Variants in DGKI observed in about 807,000 individuals in gnomAD.
DGKI encodes diacylglycerol kinase iota, also known as DAG kinase iota.
A neutral mutation model predicts 147.5 loss-of-function variants in DGKI; 55 were observed. The ratio of observed to expected loss-of-function variants is 0.37; its 90% CI spans 0.30 to 0.47. DGKI has a LOEUF of 0.47. DGKI is among the 20% of genes least tolerant of loss of function. The pLI, the probability that DGKI is intolerant of heterozygous loss-of-function variation, is 1.00. For synonymous variants in DGKI, 469 were observed against 477.1 expected, an observed-to-expected ratio of 0.98 and a Z score of 0.22; for missense variants, 1,007 against 1,323.8, an observed-to-expected ratio of 0.76 and a Z score of 3.71.
chr7:137,570,848 C>CA (rs1818769048), intron 19 of DGKI, among the ~76,000 whole-genome samples: 1 of 152,158 alleles, frequency 6.6e-6, no homozygotes, highest in East Asian at 1.9e-4. Context: ...CTCGGCCTCC[C>CA]AAAGTGCTGG....
intron 6 of DGKI, among the ~76,000 whole-genome samples, chr7:137,638,094 C>T (rs1821377341): frequency 1.3e-5 from 2 of 152,048 alleles, no homozygotes; most frequent in South Asian, 4.1e-4. Context: ...CTTCCCTTAC[C>T]CCTTTCCAAG....
intron 20 of DGKI, among the ~76,000 whole-genome samples, chr7:137,542,457 G>A (rs1817734783): frequency 6.6e-6 from 1 of 152,148 alleles, no homozygotes; most frequent in Admixed American, 6.5e-5. Flanking sequence ...AATGATACAT[G>A]CAGCAACTTG....
At chr7:137,479,818 A>G (rs911015505) in intron 23 of DGKI, among the ~76,000 whole-genome samples, 9 of 152,118 alleles carry the variant, frequency 5.9e-5, no homozygotes, top group African/African-American at 2.2e-4. Flanking sequence ...GTCTGCCCCA[A>G]CATCTCCCAC....
intron 20 of DGKI, among the ~76,000 whole-genome samples, chr7:137,551,477 G>A (rs1040703924): frequency 2.6e-5 from 4 of 152,160 alleles, no homozygotes; most frequent in Non-Finnish European, 5.9e-5. Flanking sequence ...GGCCACAAAC[G>A]GGAGGAGCAC....
At chr7:137,795,018 CAAA>C (rs1796979994) in intron 1 of DGKI, among the ~76,000 whole-genome samples, 1 of 152,066 alleles carries the variant, frequency 6.6e-6, no homozygotes, top group East Asian at 1.9e-4. Context: ...ATTTGTGTCT[CAAA>C]AGAAGTCAGT....
At chr7:137,500,031 G>T (rs1004475925) in intron 21 of DGKI, among the ~76,000 whole-genome samples, 1 of 152,126 alleles carries the variant, frequency 6.6e-6, no homozygotes, top group Non-Finnish European at 1.5e-5. Context: ...TGTTATTTAA[G>T]CCATCCAATG....
At chr7:137,628,041 CT>C (rs560774334) in intron 6 of DGKI, among the ~76,000 whole-genome samples, 112 of 152,252 alleles carry the variant, frequency 7.4e-4, no homozygotes, top group African/African-American at 2.6e-3. Flanking sequence ...CTAAGGAGTG[CT>C]TTTATTGCCA....
chr7:137,460,933 G>A (rs1425516710), intron 27 of DGKI, among the ~76,000 whole-genome samples: 2 of 151,948 alleles, frequency 1.3e-5, no homozygotes, highest in Non-Finnish European at 2.9e-5. Context: ...TATATATTTA[G>A]CAATTTTAAA....
At chr7:137,548,994 T>C (rs564484646) in intron 20 of DGKI, among the ~76,000 whole-genome samples, 260 of 152,128 alleles carry the variant, frequency 1.7e-3, no homozygotes, top group Non-Finnish European at 2.8e-3. Context: ...ATAAATAAAT[T>C]ATCCAGCCTC....
At chr7:137,416,939 T>C (rs1343465053) in intron 28 of DGKI, among the ~76,000 whole-genome samples, 1 of 152,228 alleles carries the variant, frequency 6.6e-6, no homozygotes, top group South Asian at 2.1e-4. Flanking sequence ...GTAGCTATTA[T>C]GCAAACATTA....
At chr7:137,512,301 G>T (rs1485233909) in intron 21 of DGKI, among the ~76,000 whole-genome samples, 1 of 152,162 alleles carries the variant, frequency 6.6e-6, no homozygotes, top group Non-Finnish European at 1.5e-5. Flanking sequence ...GTATACAACA[G>T]CCCTCTGTAA....
Position 137,489,451 on chromosome 7 carries a change from A to T in DGKI, c.2249-1762T>A, listed in dbSNP as rs550543889. Among the ~76,000 whole-genome samples the T allele has an allele frequency of 6.6e-5, 10 of 152,326 alleles. No individual in the cohort carries two copies. In the South Asian group the frequency reaches 2.1e-3, roughly 32 times the overall value. ...CTCCTTTTAAAAGATAAACAGAAAC[A>T]TCAAAAAGTTTTCAGCATGGCAATC... On this transcript the variant is annotated intron_variant, in intron 21 of 32. Transcript: ENST00000614521.
In DGKI at chr7:137,426,692, A is replaced by G. The variant is rs1265016865; in HGVS notation, c.2762-14485T>C. Among the ~76,000 whole-genome samples the G allele has an allele frequency of 2.0e-4, 31 of 152,004 alleles. No homozygotes were observed. In the South Asian group the frequency reaches 4.8e-3, roughly 24 times the overall value. On this transcript the variant is annotated intron_variant, in intron 28 of 32. Coordinates refer to ENST00000614521, the MANE Select transcript of DGKI (RefSeq NM_001321708.2). ...GTGACACACACAGGCTCAAAATAAA[A>G]GGATGGAGGAAGATCTACCAAGCAA...
intron 20 of DGKI, among the ~76,000 whole-genome samples, chr7:137,526,480 G>A (rs554585669): frequency 1.3e-5 from 2 of 151,984 alleles, no homozygotes; most frequent in Admixed American, 1.3e-4. Flanking sequence ...ATGGAAGTTC[G>A]TGGCTCTGGA....
At chr7:137,530,507 T>C (rs1817303139) in intron 20 of DGKI, among the ~76,000 whole-genome samples, 1 of 152,194 alleles carries the variant, frequency 6.6e-6, no homozygotes, top group Admixed American at 6.5e-5. Flanking sequence ...AATCATGATA[T>C]GACAATGTTG....
At chr7:137,712,531 A>G (rs1331226501) in intron 1 of DGKI, among the ~76,000 whole-genome samples, 1 of 152,220 alleles carries the variant, frequency 6.6e-6, no homozygotes, top group Non-Finnish European at 1.5e-5. Flanking sequence ...AAGCCTTTAC[A>G]CAGTCAAATT....
chr7:137,758,219 T>C (rs773243692), intron 1 of DGKI, among the ~76,000 whole-genome samples: 1 of 152,180 alleles, frequency 6.6e-6, no homozygotes, highest in Non-Finnish European at 1.5e-5. Flanking sequence ...ATGGAACCAG[T>C]GGGGTTCTAT....
intron 3 of DGKI, among the ~76,000 whole-genome samples, chr7:137,677,554 G>A (rs1028020733): frequency 3.3e-5 from 5 of 152,178 alleles, no homozygotes; most frequent in African/African-American, 1.2e-4. Context: ...CTGGGACTTT[G>A]TGCTTTTAGG....
Position 137,645,453 on chromosome 7 carries a change from G to A in DGKI, c.804+19C>T, listed in dbSNP as rs1821791730. On this transcript the variant is annotated intron_variant, in intron 6 of 32. Coordinates refer to ENST00000614521, the MANE Select transcript of DGKI (RefSeq NM_001321708.2). ...CCTGGGGAGCCTCCTGCGAGGCCAT[G>A]AGGTGGCTGGGCTCTTACCTTACCA... The A allele has an allele frequency of 1.2e-6, 2 of 1,611,224 alleles. No individual in the cohort carries two copies. Among genetic ancestry groups the A allele is most frequent in the Admixed American group, 1.7e-5 (1 of 59,770 alleles).
Sources: allele counts gnomAD v4.1 joint callset (sites outside exome capture counted in the v4.1 genomes callset), GRCh38; gene constraint gnomAD v4.1.1; transcripts MANE v1.5; gene names NCBI Gene and HGNC (gene_info 2026-07-23, HGNC 2026-07-21).